TJP2: variants seen among roughly 807,000 people sequenced by gnomAD.
The protein encoded by TJP2 is tight junction protein 2, also known as Friedreich ataxia region gene X104 (tight junction protein ZO-2).
Under a neutral mutation model 133.1 loss-of-function variants are expected in TJP2, and 91 were observed. That is an observed-to-expected ratio of 0.68 (90% CI 0.58 to 0.81). The LOEUF is 0.81. Ranked by LOEUF, TJP2 falls within the 40% of genes least tolerant of loss-of-function variation. The pLI, the probability that TJP2 is intolerant of heterozygous loss-of-function variation, is 0.00. For missense variants in TJP2, 1,541 were observed against 1,565.6 expected (o/e 0.98, Z 0.26); for synonymous variants, 592 against 583.4 (o/e 1.01, Z -0.21).
intron 2 of TJP2, among the ~76,000 whole-genome samples, chr9:69,168,553 G>T (rs1056334127): frequency 6.6e-6 from 1 of 152,128 alleles, no homozygotes; most frequent in Non-Finnish European, 1.5e-5. Flanking sequence ...CCAGCGCTTT[G>T]GGAGGCTGAG....
At chr9:69,221,570 T>C (rs895675580) in intron 5 of TJP2, 74 bp downstream of exon 5, 131 of 1,503,936 alleles carry the variant, frequency 8.7e-5, no homozygotes, top group East Asian at 1.2e-4. Context: ...TTTTTTTTTT[T>C]CCCCCGAAAG....
chr9:69,164,424 A>G (rs1824242445), intron 2 of TJP2, among the ~76,000 whole-genome samples: 1 of 151,970 alleles, frequency 6.6e-6, no homozygotes, highest in African/African-American at 2.4e-5. Flanking sequence ...CCCTGAGAGG[A>G]GGGCCTTTTT....
intron 1 of TJP2, among the ~76,000 whole-genome samples, chr9:69,177,099 G>A (rs138721800): frequency 8.3e-4 from 126 of 152,282 alleles, no homozygotes; most frequent in African/African-American, 2.9e-3. Context: ...AGCAGTTGTG[G>A]CTACAGATGA....
At chr9:69,165,739 T>C (rs577477287) in intron 2 of TJP2, among the ~76,000 whole-genome samples, 3 of 152,220 alleles carry the variant, frequency 2.0e-5, no homozygotes, top group East Asian at 3.9e-4. Flanking sequence ...TGTCATACTT[T>C]GGAGCACCTT....
intron 2 of TJP2, among the ~76,000 whole-genome samples, chr9:69,153,868 C>G (rs1823608405): frequency 6.6e-6 from 1 of 152,196 alleles, no homozygotes; most frequent in South Asian, 2.1e-4. Flanking sequence ...AACACTTAAG[C>G]TTGGCTTTCT....
intron 1 of TJP2, among the ~76,000 whole-genome samples, chr9:69,146,191 T>C (rs1466733270): frequency 6.6e-6 from 1 of 152,222 alleles, no homozygotes; most frequent in Non-Finnish European, 1.5e-5. Context: ...ACAAGTGTTT[T>C]TCTGATTAAA....
In TJP2 at chr9:69,254,958, T is replaced by A. The variant is rs1282716450; in HGVS notation, c.*584T>A. 3.9e-6 allele frequency: 1 copy of A among 257,080 alleles called. No individual in the cohort carries two copies. Among genetic ancestry groups the A allele is most frequent in the Non-Finnish European group, 7.4e-6 (1 of 135,364 alleles). 15.9% of individuals were successfully genotyped at this position (257,080 alleles called of 1,614,324 possible). A position where few individuals can be genotyped will look rare whatever the true frequency, so the allele number is the denominator to read the frequency against. ...GTAGTTTTCCCTGCACTGTGTCATCTTTTCAAGGCATTTGTCTTTGTAATA... is the reference window on the plus strand; with the variant it reads ...GTAGTTTTCCCTGCACTGTGTCATCATTTCAAGGCATTTGTCTTTGTAATA... On this transcript the variant is annotated 3_prime_UTR_variant, in exon 23 of 23. Coordinates refer to ENST00000377245, the MANE Select transcript of TJP2 (RefSeq NM_004817.4).
chr9:69,230,383 C>G (rs932384565), intron 11 of TJP2, 151 bp downstream of exon 11: 1 of 956,776 alleles, frequency 1.0e-6, no homozygotes, highest in Non-Finnish European at 1.6e-6. Context: ...CTCTGTATTC[C>G]TCAAATGCGT....
intron 1 of TJP2, among the ~76,000 whole-genome samples, chr9:69,196,758 C>G (rs986355350): frequency 2.0e-5 from 3 of 151,994 alleles, no homozygotes; most frequent in African/African-American, 7.3e-5. Flanking sequence ...AACTGCATAC[C>G]CATTAGCAGT....
In TJP2 at chr9:69,160,481, C is replaced by T. The variant is rs561891511; in HGVS notation, c.-10+8710C>T. On this transcript the variant is annotated intron_variant, in intron 2 of 5. Coordinates refer to the TJP2 transcript ENST00000423935. ...ACCTTGCTTGCTTTCCTTCACTACTCTAGGAATGTGGAAAAGTTTAGCTGG... is the reference window on the plus strand; with the variant it reads ...ACCTTGCTTGCTTTCCTTCACTACTTTAGGAATGTGGAAAAGTTTAGCTGG... Among the ~76,000 whole-genome samples, 4 of 152,260 alleles carry T rather than the reference C, an allele frequency of 2.6e-5. No individual in the cohort carries two copies. In the South Asian group the frequency reaches 8.3e-4, roughly 32 times the overall value.
Position 69,234,541 on chromosome 9 carries a change from G to T in TJP2, c.1774G>T (p.Ala592Ser), listed in dbSNP as rs2133373071. 6.3e-7 allele frequency: 1 copy of T among 1,590,606 alleles called. No homozygotes were observed. The highest frequency in any genetic ancestry group is 8.5e-7 in the Non-Finnish European group (1 of 1,169,726). Reference protein sequence around the residue: ...EMVTILAQSRADVYRDILACG... With the variant: ...EMVTILAQSRSDVYRDILACG... ...GGTGACCATTTTAGCTCAGAGCCGA[G>T]CCGATGGTGAGCAAATTTGGTCATT... Residue 592 changes from alanine to serine, a missense_variant, in exon 12 of 23, where the codon GCC (alanine) becomes TCC (serine). By Grantham distance (99) the Ala-to-Ser change is moderately conservative. Transcript: ENST00000377245.
chr9:69,214,288 G>A (rs941737931), intron 2 of TJP2, among the ~76,000 whole-genome samples: 9 of 152,034 alleles, frequency 5.9e-5, no homozygotes, highest in African/African-American at 1.9e-4. Flanking sequence ...GTTTTGCCAT[G>A]TTGGCCAGGC....
At chr9:69,235,665 CA>C (rs1189780031) in intron 12 of TJP2, among the ~76,000 whole-genome samples, 2 of 152,076 alleles carry the variant, frequency 1.3e-5, no homozygotes, top group Admixed American at 6.5e-5. Flanking sequence ...TCATTCTCTT[CA>C]GGCCCTCAAC....
chr9:69,248,490 T>C lies in TJP2; in HGVS notation c.2880+266T>C, dbSNP rs777237973. On this transcript the variant is annotated intron_variant, in intron 19 of 22. Transcript: ENST00000377245. ...GGTGCGATGGATAAACAGAATGGCT[T>C]TAGGTGCCGTCTGTCCAAATTACCA... The C allele has an allele frequency of 9.1e-5, 120 of 1,316,946 alleles. 1 individual carries two copies. The highest frequency in any genetic ancestry group is 1.1e-4 in the Non-Finnish European group (114 of 1,033,658). 81.6% of individuals were successfully genotyped at this position (1,316,946 alleles called of 1,614,324 possible). A position where few individuals can be genotyped will look rare whatever the true frequency, so the allele number is the denominator to read the frequency against.
At chr9:69,159,798 C>G (rs1311036846) in intron 2 of TJP2, among the ~76,000 whole-genome samples, 1 of 151,480 alleles carries the variant, frequency 6.6e-6, no homozygotes, top group Non-Finnish European at 1.5e-5. Flanking sequence ...ATCACTTGAA[C>G]CCGGGTGGCA....
chr9:69,165,436 G>A (rs552149635), intron 2 of TJP2, among the ~76,000 whole-genome samples: 220 of 152,194 alleles, frequency 1.4e-3, no homozygotes, highest in African/African-American at 5.1e-3. Context: ...CATGCCCGGT[G>A]GGTTTGGATT....
intron 2 of TJP2, among the ~76,000 whole-genome samples, chr9:69,213,751 A>G (rs1373638265): frequency 6.6e-6 from 1 of 151,928 alleles, no homozygotes; most frequent in Non-Finnish European, 1.5e-5. Flanking sequence ...TTCCCTGAGC[A>G]TTTCATGCAT....
intron 7 of TJP2, 131 bp downstream of exon 7, chr9:69,226,306 C>A: frequency 1.9e-6 from 2 of 1,031,000 alleles, no homozygotes; most frequent in Non-Finnish European, 1.4e-6. Context: ...CCTTAATCTC[C>A]AAAGGTCACT....
At chr9:69,160,795 A>G (rs988835707) in intron 2 of TJP2, among the ~76,000 whole-genome samples, 7 of 152,236 alleles carry the variant, frequency 4.6e-5, no homozygotes, top group African/African-American at 1.7e-4. Context: ...GGCAGCAGAC[A>G]AGAGAAGAGA....
Sources: allele counts gnomAD v4.1 joint callset (sites outside exome capture counted in the v4.1 genomes callset), GRCh38; gene constraint gnomAD v4.1.1; transcripts MANE v1.5; gene names NCBI Gene and HGNC (gene_info 2026-07-23, HGNC 2026-07-21).